The following ME2 variants were observed in gnomAD, a reference collection of about 807,000 sequenced individuals.
ME2 encodes malic enzyme 2, also known as NAD-dependent malic enzyme, mitochondrial.
In ME2, 60 loss-of-function variants were observed where a neutral mutation model predicts 73.7. That is an observed-to-expected ratio of 0.81 (90% confidence interval 0.66 to 1.01). The LOEUF (loss-of-function observed/expected upper bound fraction) is 1.01, where lower values mean the gene tolerates loss of function less well. ME2 is among the 50% of genes least tolerant of loss of function. The pLI is 0.00. For synonymous variants in ME2, 199 were observed against 236.9 expected (o/e 0.84, Z 1.47); for missense variants, 594 against 705.5 (o/e 0.84, Z 1.79).
At chr18:50,900,953 G>A (rs1448273666) in intron 2 of ME2, among the ~76,000 whole-genome samples, 1 of 152,154 alleles carries the variant, frequency 6.6e-6, no homozygotes, top group African/African-American at 2.4e-5. Context: ...TTTCGTCATA[G>A]CAGCATGAGA....
intron 10 of ME2, 126 bp downstream of exon 10, chr18:50,921,313 ACT>A: frequency 3.9e-6 from 2 of 514,368 alleles, no homozygotes; most frequent in South Asian, 6.7e-5. Flanking sequence ...GGGACCTTCC[ACT>A]CTCTTTTCAA....
At position 50,899,639 on chromosome 18, in the gene ME2, T is replaced by G. The variant is rs533757127; in HGVS notation, c.108+3711T>G. Among the ~76,000 whole-genome samples the G allele has an allele frequency of 5.3e-5, 8 of 152,190 alleles. No individual in the cohort carries two copies. In the South Asian group the frequency reaches 1.5e-3, roughly 28 times the overall value. ...AAAAAATTGTCTTCCATGAAACTGGTCACTGGTGCCAAAGAGGATGGGGAC... is the reference window on the plus strand; with the variant it reads ...AAAAAATTGTCTTCCATGAAACTGGGCACTGGTGCCAAAGAGGATGGGGAC... On this transcript the variant is annotated intron_variant, in intron 2 of 15. Coordinates refer to ENST00000321341, the MANE Select transcript of ME2 (RefSeq NM_002396.5).
chr18:50,891,790 C>T (rs756355465), intron 1 of ME2, among the ~76,000 whole-genome samples: 6 of 151,620 alleles, frequency 4.0e-5, no homozygotes, highest in African/African-American at 9.7e-5. Flanking sequence ...GACACCAGGA[C>T]GCCCACCTGG....
intron 1 of ME2, among the ~76,000 whole-genome samples, chr18:50,893,017 C>T (rs1250518949): frequency 1.3e-5 from 2 of 149,112 alleles, no homozygotes; most frequent in Admixed American, 6.7e-5. Context: ...CCCAGCTACT[C>T]GGGAGGCTGG....
intron 1 of ME2, among the ~76,000 whole-genome samples, chr18:50,888,344 C>A (rs77953290): frequency 8.5e-5 from 11 of 129,010 alleles, no homozygotes; most frequent in East Asian, 2.2e-4. Context: ...GACCCTGTCT[C>A]AAAAAAAAAA....
chr18:50,927,544 CA>C (rs1379360975), intron 12 of ME2, among the ~76,000 whole-genome samples: 2 of 150,504 alleles, frequency 1.3e-5, no homozygotes, highest in Non-Finnish European at 3.0e-5. Flanking sequence ...ACTAAAAATA[CA>C]AAAAAAATTA....
intron 1 of ME2, among the ~76,000 whole-genome samples, chr18:50,894,720 C>A (rs941715040): frequency 3.7e-4 from 56 of 150,376 alleles, no homozygotes; most frequent in Non-Finnish European, 7.4e-4. Context: ...AATAAAAATA[C>A]AAAAAAATTA....
At chr18:50,925,033 T>A (rs1460261136) in intron 11 of ME2, among the ~76,000 whole-genome samples, 3 of 152,052 alleles carry the variant, frequency 2.0e-5, no homozygotes, top group Non-Finnish European at 4.4e-5. Flanking sequence ...CTACTTTTTG[T>A]CTCTATGAAT....
At position 50,940,343 on chromosome 18, in the gene ME2, C is replaced by T. The variant is rs760526329; in HGVS notation, c.1544C>T (p.Pro515Leu). 4.7e-5 allele frequency: 75 copies of T among 1,611,030 alleles called. No homozygotes were observed. Among genetic ancestry groups the T allele is most frequent in the Admixed American group, 2.2e-4 (13 of 59,174 alleles). ...CTAGCCCAAGGGAGACTTTACCCAC[C>T]GCTTGCTAATATTCAGGAAGTTTCT... Reference protein sequence around the residue: ...EELAQGRLYPPLANIQEVSIN... With the variant: ...EELAQGRLYPLLANIQEVSIN... The change falls in exon 15 of 16, where the codon CCG (proline) becomes CTG (leucine). Residue 515 changes from proline (P) to leucine (L), a missense_variant. Transcript: ENST00000321341.
chr18:50,901,237 G>C (rs965762412), intron 2 of ME2, among the ~76,000 whole-genome samples: 7 of 152,188 alleles, frequency 4.6e-5, no homozygotes, highest in African/African-American at 1.7e-4. Context: ...TTTATCTCCT[G>C]CTTATAAATG....
intron 15 of ME2, among the ~76,000 whole-genome samples, chr18:50,945,749 A>G (rs1193236627): frequency 1.3e-5 from 2 of 152,166 alleles, no homozygotes; most frequent in African/African-American, 4.8e-5. Flanking sequence ...TTTTTCTACC[A>G]TATGTCACTA....
intron 1 of ME2, among the ~76,000 whole-genome samples, chr18:50,884,124 G>GT (rs901854978): frequency 1.4e-4 from 21 of 150,456 alleles, no homozygotes; most frequent in South Asian, 4.2e-4. Context: ...TTTTCCTTAA[G>GT]TTTTTTTTTA....
At chr18:50,896,597 G>T (rs1916752010) in intron 2 of ME2, among the ~76,000 whole-genome samples, 2 of 152,088 alleles carry the variant, frequency 1.3e-5, no homozygotes. Context: ...TCTGGGAAGA[G>T]ATTTTTTTTA....
At chr18:50,938,021 C>A (rs1035921072) in intron 13 of ME2, among the ~76,000 whole-genome samples, 1 of 152,056 alleles carries the variant, frequency 6.6e-6, no homozygotes, top group Admixed American at 6.6e-5. Flanking sequence ...AAATTGTAGA[C>A]CGTTAGGTAT....
intron 1 of ME2, among the ~76,000 whole-genome samples, chr18:50,890,539 GT>G (rs1245004357): frequency 1.1e-4 from 17 of 152,030 alleles, no homozygotes; most frequent in Admixed American, 1.1e-3. Context: ...ATTATTTCAG[GT>G]TTTTTTCTTC....
At position 50,917,400 on chromosome 18, in the gene ME2, C is replaced by A; in HGVS notation, c.522C>A (p.Val174=). ...ERILGLGDLG[V]YGMGIPVGKL... Reference sequence around the variant, plus strand: ...TTCTGGGTCTTGGAGATCTGGGTGTCTATGGAATGGGAATTCCAGTAGGAA... The same window carrying A: ...TTCTGGGTCTTGGAGATCTGGGTGTATATGGAATGGGAATTCCAGTAGGAA... Residue 174 remains valine, a synonymous_variant, in exon 6 of 16, where the codon GTC becomes GTA. Coordinates refer to ENST00000321341, the MANE Select transcript of ME2 (RefSeq NM_002396.5). The A allele has an allele frequency of 6.2e-7, 1 of 1,613,204 alleles. No homozygotes were observed. Among genetic ancestry groups the A allele is most frequent in the Non-Finnish European group, 8.5e-7 (1 of 1,179,418 alleles).
At position 50,939,658 on chromosome 18, in the gene ME2, T is replaced by G. The variant is rs1258805874; in HGVS notation, c.1488+18T>G. On this transcript the variant is annotated intron_variant, in intron 14 of 15. Transcript: ENST00000321341. ...CTGCAAAGGTAAATGTTTTAAATGT[T>G]GTTTATTTTATAAAGGATGAATTAT... 9 of 1,544,754 alleles carry G rather than the reference T, an allele frequency of 5.8e-6. No homozygotes were observed. The South Asian group carries it at 1.0e-4, about 17-fold the overall frequency.
At chr18:50,937,497 T>G (rs1344413663) in intron 13 of ME2, among the ~76,000 whole-genome samples, 1 of 152,128 alleles carries the variant, frequency 6.6e-6, no homozygotes, top group Non-Finnish European at 1.5e-5. Flanking sequence ...GAGAAATGCT[T>G]GAAGATTACT....
chr18:50,925,967 T>C, intron 12 of ME2, 69 bp downstream of exon 12: 1 of 1,109,934 alleles, frequency 9.0e-7, no homozygotes, highest in Non-Finnish European at 1.3e-6. Flanking sequence ...TATACATTCT[T>C]ACACCATTGT....
Sources: gnomAD v4.1 joint callset for allele counts (sites outside exome capture counted in the v4.1 genomes callset) on GRCh38, gnomAD v4.1.1 for gene constraint, MANE v1.5 for transcripts, NCBI Gene and HGNC (gene_info 2026-07-23, HGNC 2026-07-21) for gene names.